PUM1: variants seen among roughly 807,000 people sequenced by gnomAD.
PUM1 encodes pumilio homolog 1.
PUM1 carries 13 observed loss-of-function variants against 131.8 expected under a neutral mutation model. The ratio of observed to expected loss-of-function variants is 0.10; its 90% CI spans 0.06 to 0.16. PUM1 has a LOEUF of 0.16. PUM1 is among the 10% of genes least tolerant of loss of function. The probability of loss-of-function intolerance (pLI) is 1.00; values close to 1 mark genes in which losing one functional copy is unlikely to be tolerated. For missense variants in PUM1, 961 were observed against 1,512.4 expected (o/e 0.64, Z 6.05); for synonymous variants, 509 against 556.5 (o/e 0.91, Z 1.20).
chr1:31,033,974 G>C (rs994562080), intron 2 of PUM1, among the ~76,000 whole-genome samples: 1 of 152,000 alleles, frequency 6.6e-6, no homozygotes, highest in Admixed American at 6.6e-5. Context: ...TGGGCACAAA[G>C]GAATTCTGAA....
intron 5 of PUM1, among the ~76,000 whole-genome samples, chr1:30,996,345 A>G (rs1641978581): frequency 6.6e-6 from 1 of 152,190 alleles, no homozygotes; most frequent in African/African-American, 2.4e-5. Context: ...CCAAATGTCA[A>G]TGGGGAGAAA....
At chr1:31,043,767 C>T (rs565316772) in intron 2 of PUM1, among the ~76,000 whole-genome samples, 9 of 152,258 alleles carry the variant, frequency 5.9e-5, no homozygotes, top group African/African-American at 2.2e-4. Flanking sequence ...CCAAATACTT[C>T]CTTCAGAGAG....
At chr1:30,951,885 AT>A (rs1439489568) in intron 16 of PUM1, among the ~76,000 whole-genome samples, 1 of 152,230 alleles carries the variant, frequency 6.6e-6, no homozygotes, top group Non-Finnish European at 1.5e-5. Context: ...GCAATATTTT[AT>A]TGTGATCCTG....
rs1639629043 is a variant in PUM1, at chr1:30,945,415, C to G, written c.2925G>C (p.Val975=). ...GTACACATTCAATGCATTTCTGAAC[C>G]ACGTGATTGCCATTCTGATCTTTCA... is the stretch of plus-strand genomic sequence containing the variant. ...KCVKDQNGNH[V]VQKCIECVQP... The change falls in exon 18 of 22, where the codon GTG becomes GTC. Residue 975 remains valine (V), a synonymous_variant. Transcript: ENST00000426105. The G allele has an allele frequency of 6.2e-7, 1 of 1,614,132 alleles. No individual in the cohort carries two copies. Among genetic ancestry groups the G allele is most frequent in the Non-Finnish European group, 8.5e-7 (1 of 1,179,992 alleles).
At chr1:30,946,703 AG>A (rs1378944946) in intron 17 of PUM1, among the ~76,000 whole-genome samples, 1 of 150,766 alleles carries the variant, frequency 6.6e-6, no homozygotes, top group Non-Finnish European at 1.5e-5. Context: ...ACAATAAAAA[AG>A]ATTCAAAGTA....
At chr1:30,969,407 C>A (rs541456092) in intron 10 of PUM1, among the ~76,000 whole-genome samples, 3 of 150,692 alleles carry the variant, frequency 2.0e-5, no homozygotes, top group Non-Finnish European at 4.4e-5. Context: ...TTTACCCACA[C>A]ATTTAAAGTC....
chr1:31,049,585 C>A (rs1388329976), intron 2 of PUM1, among the ~76,000 whole-genome samples: 1 of 151,572 alleles, frequency 6.6e-6, no homozygotes, highest in Non-Finnish European at 1.5e-5. Flanking sequence ...GAGGCTGAAG[C>A]AGGAGAACTG....
chr1:31,019,857 G>C (rs1642957235), intron 3 of PUM1, among the ~76,000 whole-genome samples: 2 of 151,914 alleles, frequency 1.3e-5, no homozygotes, highest in South Asian at 4.2e-4. Flanking sequence ...GTTATCTACA[G>C]GTTACCTATA....
intron 7 of PUM1, among the ~76,000 whole-genome samples, chr1:30,983,365 T>C (rs1472379109): frequency 2.0e-5 from 3 of 152,228 alleles, no homozygotes; most frequent in Non-Finnish European, 4.4e-5. Context: ...TTGCAACATT[T>C]AACATATCAG....
At chr1:30,991,243 A>G (rs1048111700) in intron 7 of PUM1, among the ~76,000 whole-genome samples, 1 of 152,228 alleles carries the variant, frequency 6.6e-6, no homozygotes, top group Non-Finnish European at 1.5e-5. Context: ...GGAGGCAGGC[A>G]TACCTACTAA....
intron 2 of PUM1, among the ~76,000 whole-genome samples, chr1:31,043,343 T>C (rs1411920089): frequency 1.3e-5 from 2 of 151,838 alleles, no homozygotes; most frequent in East Asian, 1.9e-4. Flanking sequence ...CCTGGGATTA[T>C]AGGCACCCCC....
At chr1:30,949,027 T>A (rs1639812076) in intron 17 of PUM1, 1 of 455,008 alleles carries the variant, frequency 2.2e-6, no homozygotes, top group South Asian at 1.5e-5. Flanking sequence ...TTTAAAAACT[T>A]TGGACTTCTT....
intron 7 of PUM1, among the ~76,000 whole-genome samples, chr1:30,985,166 G>T (rs1641500476): frequency 6.6e-6 from 1 of 152,168 alleles, no homozygotes; most frequent in African/African-American, 2.4e-5. Context: ...ATGGCAGGTT[G>T]CTGTGGGGAT....
chr1:31,031,702 G>T (rs530279828), intron 2 of PUM1, among the ~76,000 whole-genome samples: 11 of 152,286 alleles, frequency 7.2e-5, no homozygotes, highest in African/African-American at 2.6e-4. Flanking sequence ...GGGCTTCGAT[G>T]AATGTGCTCT....
intron 20 of PUM1, among the ~76,000 whole-genome samples, chr1:30,940,637 C>A (rs531858824): frequency 6.6e-6 from 1 of 152,278 alleles, no homozygotes; most frequent in African/African-American, 2.4e-5. Flanking sequence ...ATACCACTAT[C>A]CACATGGAAG....
intron 5 of PUM1, among the ~76,000 whole-genome samples, chr1:31,002,380 T>C (rs1642248197): frequency 6.6e-6 from 1 of 152,210 alleles, no homozygotes; most frequent in Non-Finnish European, 1.5e-5. Flanking sequence ...ATCTTTCTTC[T>C]GTGAGGTTAA....
intron 7 of PUM1, among the ~76,000 whole-genome samples, chr1:30,981,711 A>G (rs1641364857): frequency 6.6e-6 from 1 of 152,080 alleles, no homozygotes; most frequent in South Asian, 2.1e-4. Flanking sequence ...TGAGATATCT[A>G]TATCTATATC....
chr1:30,945,995 A>G (rs553234432), intron 17 of PUM1, among the ~76,000 whole-genome samples: 1 of 152,154 alleles, frequency 6.6e-6, no homozygotes, highest in South Asian at 2.1e-4. Flanking sequence ...CATGTTGGCC[A>G]GGCTGTCTCG....
At chr1:31,024,844 A>G (rs950781591) in intron 3 of PUM1, among the ~76,000 whole-genome samples, 1 of 152,214 alleles carries the variant, frequency 6.6e-6, no homozygotes, top group African/African-American at 2.4e-5. Context: ...GTTATGCAAG[A>G]TCATAAACCA....
Sources: allele counts gnomAD v4.1 joint callset (sites outside exome capture counted in the v4.1 genomes callset), GRCh38; gene constraint gnomAD v4.1.1; transcripts MANE v1.5; gene names NCBI Gene and HGNC (gene_info 2026-07-23, HGNC 2026-07-21).